The following CD5L variants were observed in gnomAD, a reference collection of about 807,000 sequenced individuals.
The protein encoded by CD5L is CD5 molecule like, also known as CD5 antigen-like.
In CD5L, 39 loss-of-function variants were observed where a neutral mutation model predicts 40.8. That is an observed-to-expected ratio of 0.96 (90% confidence interval 0.74 to 1.25). The LOEUF is 1.25. CD5L is among the 50% of genes most tolerant of loss of function. The probability of loss-of-function intolerance (pLI) is 0.00; values close to 1 mark genes in which losing one functional copy is unlikely to be tolerated. For synonymous variants in CD5L, 192 were observed against 169.6 expected (o/e 1.13, Z -1.03); for missense variants, 433 against 435.9 (o/e 0.99, Z 0.06).
chr1:157,833,662 G>T (rs1571449449), intron 4 of CD5L, 150 bp from the exon 5 acceptor site: 1 of 665,222 alleles, frequency 1.5e-6, no homozygotes, highest in Non-Finnish European at 2.5e-6. Flanking sequence ...CTGGAGTGTA[G>T]TGGTGTGATC....
downstream of CD5L, among the ~76,000 whole-genome samples, chr1:157,827,135 T>A (rs1026038115): frequency 6.6e-6 from 1 of 152,184 alleles, no homozygotes; most frequent in African/African-American, 2.4e-5. Flanking sequence ...CTAATTAGAT[T>A]ATAGAGCCAA....
At chr1:157,835,445 G>A (rs1308719223) in intron 3 of CD5L, among the ~76,000 whole-genome samples, 1 of 152,118 alleles carries the variant, frequency 6.6e-6, no homozygotes, top group Non-Finnish European at 1.5e-5. Flanking sequence ...ATAAACTCCT[G>A]GAAAACTGAA....
At chr1:157,828,691 C>T (rs1163633479), downstream of CD5L, among the ~76,000 whole-genome samples, 1 of 152,244 alleles carries the variant, frequency 6.6e-6, no homozygotes, top group African/African-American at 2.4e-5. Flanking sequence ...TTTTCTTTCT[C>T]TCCTACTAAC....
Position 157,834,616 on chromosome 1 carries a change from C to A in CD5L, c.509G>T (p.Arg170Leu). The A allele has an allele frequency of 6.2e-7, 1 of 1,614,170 alleles. No homozygotes were observed. The highest frequency in any genetic ancestry group is 8.5e-7 in the Non-Finnish European group (1 of 1,180,030). Residue 170 changes from arginine (R) to leucine (L), a missense_variant, in exon 4 of 6, where the codon CGG becomes CTG. Transcript: ENST00000368174. ...YTVCQTGWSLRAAKVVCRQLG... is the reference protein window; with the variant it reads ...YTVCQTGWSLLAAKVVCRQLG... ...CTGCCGGCACACCACCTTTGCGGCC[C>A]GGAGGCTCCAGCCTGTCTGGCACAC...
At position 157,833,387 on chromosome 1, in the gene CD5L, A is replaced by T. The variant is rs201119334; in HGVS notation, c.844T>A (p.Cys282Ser). The change falls in exon 5 of 6, where the codon TGC becomes AGC. Residue 282 changes from cysteine to serine, a missense_variant. By Grantham distance (112) the Cys-to-Ser change is moderately radical. Coordinates refer to ENST00000368174, the MANE Select transcript of CD5L (RefSeq NM_005894.3). ...GACTTCCCACAGCCCAGTTGCTTGC[A>T]TACCACCTGGTCCTCCTTTTCTCCC... ...NWGEKEDQVV[C>S]KQLGCGKSLS... is the part of the protein sequence containing the mutation. The T allele has an allele frequency of 3.7e-6, 6 of 1,614,074 alleles. No homozygotes were observed. The East Asian group carries it at 1.3e-4, about 36-fold the overall frequency.
chr1:157,833,769 CTT>C (rs760277537), intron 4 of CD5L, among the ~76,000 whole-genome samples: 39 of 114,470 alleles, frequency 3.4e-4, no homozygotes, highest in East Asian at 2.0e-3. Context: ...CAAAGCTCAG[CTT>C]TTTTTTTTTT....
At chr1:157,827,228 AT>A (rs1655922809), downstream of CD5L, among the ~76,000 whole-genome samples, 2 of 151,630 alleles carry the variant, frequency 1.3e-5, no homozygotes, top group South Asian at 4.2e-4. Context: ...CAAAATCTGT[AT>A]TTTGTCAGAG....
chr1:157,829,875 C>G (rs1656001837), downstream of CD5L, among the ~76,000 whole-genome samples: 2 of 152,104 alleles, frequency 1.3e-5, no homozygotes, highest in African/African-American at 4.8e-5. Flanking sequence ...GATGAGAAAC[C>G]AAAAATACTT....
chr1:157,836,254 G>C, intron 2 of CD5L, 99 bp from the exon 3 acceptor site: 1 of 957,924 alleles, frequency 1.0e-6, no homozygotes, highest in Non-Finnish European at 1.5e-6. Context: ...CATTCAAATG[G>C]TGCAGAGTGT....
At chr1:157,839,077 T>G (rs897538837) in intron 2 of CD5L, among the ~76,000 whole-genome samples, 1 of 152,176 alleles carries the variant, frequency 6.6e-6, no homozygotes, top group African/African-American at 2.4e-5. Context: ...ATTTTTCAGG[T>G]ATGCCCATAA....
intron 5 of CD5L, 102 bp from the exon 6 acceptor site, chr1:157,832,070 A>G: frequency 2.1e-6 from 2 of 951,138 alleles, no homozygotes; most frequent in Non-Finnish European, 3.1e-6. Flanking sequence ...GGGGCTCAAC[A>G]TAGGAAAAAG....
At chr1:157,829,123 G>T (rs1039522294), downstream of CD5L, among the ~76,000 whole-genome samples, 2 of 152,194 alleles carry the variant, frequency 1.3e-5, no homozygotes, top group African/African-American at 4.8e-5. Context: ...CCATGTGACG[G>T]CAATGGGTTG....
chr1:157,840,355 T>G (rs959089693), intron 1 of CD5L, among the ~76,000 whole-genome samples: 2 of 152,180 alleles, frequency 1.3e-5, no homozygotes, highest in African/African-American at 4.8e-5. Flanking sequence ...CTGAGGCCTA[T>G]GCATTTTCAA....
chr1:157,839,283 G>T, intron 2 of CD5L, 101 bp downstream of exon 2: 1 of 1,113,882 alleles, frequency 9.0e-7, no homozygotes, highest in Non-Finnish European at 1.4e-6. Flanking sequence ...AAGTCTGCTG[G>T]GCCTGTTTTG....
chr1:157,834,628 C>A lies in CD5L; in HGVS notation c.497G>T (p.Gly166Val), dbSNP rs772726189. The change falls in exon 4 of 6, where the codon GGC becomes GTC. Residue 166 changes from glycine (G) to valine (V), a missense_variant. By Grantham distance (109) the Gly-to-Val change is moderately radical (BLOSUM62 -3). Coordinates refer to ENST00000368174, the MANE Select transcript of CD5L (RefSeq NM_005894.3). ...QNQWYTVCQT[G>V]WSLRAAKVVC... ...CACCTTTGCGGCCCGGAGGCTCCAG[C>A]CTGTCTGGCACACGGTATACCACTG... 38 of 1,614,092 alleles carry A rather than the reference C, an allele frequency of 2.4e-5. 1 individual carries two copies. In the South Asian group the frequency reaches 3.8e-4, roughly 16 times the overall value.
chr1:157,841,359 C>T (rs549138981), intron 1 of CD5L, among the ~76,000 whole-genome samples: 3 of 152,240 alleles, frequency 2.0e-5, no homozygotes, highest in South Asian at 4.1e-4. Flanking sequence ...TTGCTGCTGC[C>T]CGGTGCCCAT....
At chr1:157,830,868 T>C (rs1239573447), downstream of CD5L, 3 of 831,420 alleles carry the variant, frequency 3.6e-6, no homozygotes, top group East Asian at 2.5e-4. Flanking sequence ...CTGACACAGC[T>C]GCTTCTCTGT....
In CD5L at chr1:157,834,432, A is replaced by G. The variant is rs1158595776; in HGVS notation, c.693T>C (p.Asp231=). 1 of 1,613,806 alleles carries G rather than the reference A, an allele frequency of 6.2e-7. No homozygotes were observed. Among genetic ancestry groups the G allele is most frequent in the Admixed American group, 1.7e-5 (1 of 59,996 alleles). ...GPWGKNTCNH[D]EDTWVECEDP... ...CTTCACATTCGACCCACGTGTCTTCATCATGGTTGCAGGTGTTCTTCCCCC... is the reference window on the plus strand; with the variant it reads ...CTTCACATTCGACCCACGTGTCTTCGTCATGGTTGCAGGTGTTCTTCCCCC... Residue 231 remains aspartate (D), a synonymous_variant, in exon 4 of 6, where the codon GAT becomes GAC. Transcript: ENST00000368174.
At chr1:157,830,040 C>G (rs1216875229), downstream of CD5L, among the ~76,000 whole-genome samples, 1 of 152,182 alleles carries the variant, frequency 6.6e-6, no homozygotes, top group African/African-American at 2.4e-5. Flanking sequence ...TACCTATCTT[C>G]CCCTGCTACC....
Sources: gnomAD v4.1 joint callset for allele counts (sites outside exome capture counted in the v4.1 genomes callset) on GRCh38, gnomAD v4.1.1 for gene constraint, MANE v1.5 for transcripts, NCBI Gene and HGNC (gene_info 2026-07-23, HGNC 2026-07-21) for gene names.